NPTN: variants seen among roughly 807,000 people sequenced by gnomAD.
NPTN encodes neuroplastin.
NPTN carries 5 observed loss-of-function variants against 42.7 expected under a neutral mutation model. That is an observed-to-expected ratio of 0.12 (90% CI 0.06 to 0.25). The LOEUF is 0.25. Among genes scored for constraint, NPTN ranks in the 10% least tolerant of loss-of-function variants. The probability of loss-of-function intolerance (pLI) is 1.00; values close to 1 mark genes in which losing one functional copy is unlikely to be tolerated. For synonymous variants in NPTN, 180 were observed against 201.9 expected (o/e 0.89, Z 0.92); for missense variants, 307 against 525.4 (o/e 0.58, Z 4.06).
At chr15:73,566,004 TAGA>T (rs1894976960) in intron 6 of NPTN, among the ~76,000 whole-genome samples, 1 of 152,244 alleles carries the variant, frequency 6.6e-6, no homozygotes, top group Non-Finnish European at 1.5e-5. Flanking sequence ...TTCATCTCAC[TAGA>T]AGGTTTTATG....
chr15:73,601,175 A>G (rs1897069425), intron 1 of NPTN, among the ~76,000 whole-genome samples: 1 of 152,150 alleles, frequency 6.6e-6, no homozygotes. Flanking sequence ...GTTAATCCTG[A>G]GTGGGGCTGG....
chr15:73,609,849 AT>A (rs1897485493), intron 1 of NPTN, among the ~76,000 whole-genome samples: 1 of 152,162 alleles, frequency 6.6e-6, no homozygotes, highest in South Asian at 2.1e-4. Flanking sequence ...TAATGATCAG[AT>A]TGGGGTAATT....
chr15:73,591,792 T>C (rs1379741278), intron 3 of NPTN, 174 bp downstream of exon 3: 14 of 537,830 alleles, frequency 2.6e-5, no homozygotes, highest in Non-Finnish European at 3.9e-5. Flanking sequence ...TTAGAATCCT[T>C]TGGGAATCTT....
intron 1 of NPTN, 100 bp downstream of exon 1, chr15:73,633,025 C>G (rs1490004432): frequency 4.5e-6 from 4 of 882,486 alleles, no homozygotes; most frequent in Non-Finnish European, 6.3e-6. Context: ...CACTCGGCCC[C>G]CTTCCCCGAG....
At chr15:73,601,335 GAAAAGA>G (rs370906451) in intron 1 of NPTN, among the ~76,000 whole-genome samples, 19 of 151,910 alleles carry the variant, frequency 1.3e-4, no homozygotes, top group Admixed American at 9.2e-4. Context: ...GGAAAAGAAA[GAAAAGA>G]AAAAGAAAAA....
intron 5 of NPTN, among the ~76,000 whole-genome samples, chr15:73,572,464 T>G (rs749567107): frequency 1.3e-5 from 2 of 152,206 alleles, no homozygotes; most frequent in African/African-American, 2.4e-5. Context: ...GATGTTCTCT[T>G]TGACATTTTC....
intron 3 of NPTN, among the ~76,000 whole-genome samples, chr15:73,590,343 A>C (rs773544226): frequency 7.9e-4 from 120 of 152,198 alleles, no homozygotes; most frequent in Non-Finnish European, 4.0e-4. Context: ...GGGAAAAAAG[A>C]AGCAGCATTT....
In NPTN at chr15:73,568,828, A is replaced by G. The variant is rs1895197137; in HGVS notation, c.1114+1322T>C. 5.1e-6 allele frequency: 5 copies of G among 985,402 alleles called. 1 individual carries two copies. The highest frequency in any genetic ancestry group is 1.2e-4 in the Admixed American group (2 of 16,268). 61.0% of individuals were successfully genotyped at this position (985,402 alleles called of 1,614,324 possible). A position where few individuals can be genotyped will look rare whatever the true frequency, so the allele number is the denominator to read the frequency against. On this transcript the variant is annotated intron_variant, in intron 6 of 8. Coordinates refer to ENST00000345330, the MANE Select transcript of NPTN (RefSeq NM_012428.4). ...AGTGTCATCAACAAACCTCCTCACC[A>G]GCCACTCACTCTACTTACTGCAGGC...
At chr15:73,612,035 A>C (rs1328579133) in intron 1 of NPTN, among the ~76,000 whole-genome samples, 1 of 152,210 alleles carries the variant, frequency 6.6e-6, no homozygotes, top group African/African-American at 2.4e-5. Context: ...ATGATACATA[A>C]ATGCAAAGCT....
At chr15:73,591,102 C>A (rs898854173) in intron 3 of NPTN, among the ~76,000 whole-genome samples, 2 of 152,154 alleles carry the variant, frequency 1.3e-5, no homozygotes, top group Non-Finnish European at 2.9e-5. Flanking sequence ...CTCTTCAAGT[C>A]CTAGTTTCCT....
chr15:73,612,592 C>T (rs1473170936), intron 1 of NPTN, among the ~76,000 whole-genome samples: 3 of 151,956 alleles, frequency 2.0e-5, no homozygotes, highest in Non-Finnish European at 4.4e-5. Flanking sequence ...ATGGTGAAAC[C>T]CCGCCTCTAC....
chr15:73,565,125 G>A (rs940294054), intron 6 of NPTN, among the ~76,000 whole-genome samples: 6 of 152,168 alleles, frequency 3.9e-5, no homozygotes, highest in Non-Finnish European at 5.9e-5. Flanking sequence ...CAGTGCCTCC[G>A]GCATAGCTGC....
chr15:73,572,201 A>T (rs1178690118), intron 5 of NPTN, among the ~76,000 whole-genome samples: 1 of 152,204 alleles, frequency 6.6e-6, no homozygotes. Flanking sequence ...AAAACTAGAT[A>T]CAACTCTTGG....
Position 73,618,134 on chromosome 15 carries a change from G to A in NPTN, c.91+14991C>T, listed in dbSNP as rs62004595. 3.5e-3 allele frequency among the ~76,000 whole-genome samples: 526 copies of A among 152,264 alleles called. 1 individual carries two copies. The highest frequency in any genetic ancestry group is 6.4e-3 in the Non-Finnish European group (432 of 68,022). On this transcript the variant is annotated intron_variant, in intron 1 of 8. Transcript: ENST00000345330. ...TCACAATCAATATTCATTACTAGCC[G>A]CCTGCCTGGAATTCTTTCTGCCTCG...
In NPTN at chr15:73,633,387, C is replaced by A; in HGVS notation, c.-172G>T. 1 of 465,598 alleles carries A rather than the reference C, an allele frequency of 2.1e-6. No individual in the cohort carries two copies. Among genetic ancestry groups the A allele is most frequent in the Non-Finnish European group, 3.7e-6 (1 of 269,322 alleles). The allele number at this position is 465,598 out of a possible 1,614,324, so 28.8% of individuals were successfully genotyped here. On this transcript the variant is annotated 5_prime_UTR_variant, in exon 1 of 9. The change creates a new upstream start codon in the 5' untranslated region. Coordinates refer to ENST00000345330, the MANE Select transcript of NPTN (RefSeq NM_012428.4). ...CCTCCTGCCGCCGCAGCGCCCAGGCCTCGCGAGACCTTCGCTCCGGGTCGT... is the reference window on the plus strand; with the variant it reads ...CCTCCTGCCGCCGCAGCGCCCAGGCATCGCGAGACCTTCGCTCCGGGTCGT...
intron 1 of NPTN, among the ~76,000 whole-genome samples, chr15:73,626,036 T>A (rs1260820794): frequency 6.6e-6 from 1 of 152,210 alleles, no homozygotes; most frequent in Non-Finnish European, 1.5e-5. Context: ...TCTTCGACTA[T>A]AATGGACGGA....
At chr15:73,568,085 T>C in intron 6 of NPTN, 1 of 985,500 alleles carries the variant, frequency 1.0e-6, no homozygotes, top group South Asian at 4.7e-5. Context: ...CCCCATTTGA[T>C]TTCAGTAACC....
intron 3 of NPTN, among the ~76,000 whole-genome samples, chr15:73,590,304 C>T (rs1445737841): frequency 1.3e-5 from 2 of 152,126 alleles, no homozygotes; most frequent in Non-Finnish European, 2.9e-5. Context: ...AGATACACAA[C>T]ACCCTTGGAG....
At chr15:73,626,288 C>A (rs1898403787) in intron 1 of NPTN, among the ~76,000 whole-genome samples, 1 of 152,184 alleles carries the variant, frequency 6.6e-6, no homozygotes. Flanking sequence ...CTCTGCATAA[C>A]AGACACGGTT....
Sources: gnomAD v4.1 joint callset for allele counts (sites outside exome capture counted in the v4.1 genomes callset) on GRCh38, gnomAD v4.1.1 for gene constraint, MANE v1.5 for transcripts, NCBI Gene and HGNC (gene_info 2026-07-23, HGNC 2026-07-21) for gene names.